The following RANBP2 variants were observed in gnomAD, a reference collection of about 807,000 sequenced individuals.
RANBP2 encodes the protein E3 SUMO-protein ligase RanBP2.
A neutral mutation model predicts 303.6 loss-of-function variants in RANBP2; 57 were observed. The observed-to-expected ratio is 0.19, with a 90% CI of 0.15 to 0.23. The LOEUF is 0.23. Ranked by LOEUF, RANBP2 falls within the 10% of genes least tolerant of loss-of-function variation. The pLI is 1.00. For missense variants in RANBP2, 3,138 were observed against 3,780.8 expected, an observed-to-expected ratio of 0.83 and a Z score of 4.46; for synonymous variants, 1,167 against 1,301.5, an observed-to-expected ratio of 0.90 and a Z score of 2.23.
At chr2:108,919,529 T>C in the RANBP2 span, among the ~76,000 whole-genome samples, 13 of 152,174 alleles carry the variant, frequency 8.5e-5, no homozygotes, top group African/African-American at 3.1e-4. Flanking sequence ...CAGCTAATTT[T>C]GTATTTTTAG....
the RANBP2 span, among the ~76,000 whole-genome samples, chr2:109,254,739 C>T: frequency 6.6e-6 from 1 of 152,112 alleles, no homozygotes; most frequent in Non-Finnish European, 1.5e-5. Flanking sequence ...AGAGGAGCCT[C>T]TCATTGCCGG....
the RANBP2 span, among the ~76,000 whole-genome samples, chr2:109,652,620 C>G: frequency 2.0e-5 from 3 of 152,172 alleles, no homozygotes. Context: ...TCCTCCTGCA[C>G]GTGCACAGCC....
At chr2:108,953,992 G>C in the RANBP2 span, among the ~76,000 whole-genome samples, 2 of 152,150 alleles carry the variant, frequency 1.3e-5, no homozygotes, top group African/African-American at 2.4e-5. Context: ...CTCCTGAAAG[G>C]CATGATAAGT....
At chr2:109,059,978 TC>T in the RANBP2 span, among the ~76,000 whole-genome samples, 1 of 151,870 alleles carries the variant, frequency 6.6e-6, no homozygotes, top group Non-Finnish European at 1.5e-5. Context: ...GCTCCCAGAT[TC>T]TCCTTCCCAG....
chr2:109,101,420 G>A, the RANBP2 span, among the ~76,000 whole-genome samples: 6 of 151,950 alleles, frequency 3.9e-5, no homozygotes, highest in South Asian at 2.1e-4. Flanking sequence ...CCAGCTACTC[G>A]GGAGGCTGAG....
At chr2:109,439,816 C>CCA in the RANBP2 span, among the ~76,000 whole-genome samples, 1 of 151,978 alleles carries the variant, frequency 6.6e-6, no homozygotes, top group Non-Finnish European at 1.5e-5. Context: ...AGCCCCATTT[C>CCA]CACCCCGGTT....
chr2:108,850,881 C>T, the RANBP2 span, among the ~76,000 whole-genome samples: 11 of 152,006 alleles, frequency 7.2e-5, no homozygotes, highest in Non-Finnish European at 1.5e-4. Flanking sequence ...GAGGTTTTTC[C>T]CCACATACCA....
the RANBP2 span, chr2:109,614,503 C>T: frequency 1.6e-6 from 2 of 1,249,774 alleles, no homozygotes; most frequent in African/African-American, 1.6e-5. Context: ...GAGGGGCCGG[C>T]AGAGTGGGGC....
At chr2:109,425,580 T>G in the RANBP2 span, among the ~76,000 whole-genome samples, 6 of 152,200 alleles carry the variant, frequency 3.9e-5, no homozygotes, top group African/African-American at 1.2e-4. Context: ...TTAAGAATTA[T>G]GCTAAATCTA....
chr2:108,751,046 A>G (rs961937553), intron 9 of RANBP2, among the ~76,000 whole-genome samples: 12 of 152,188 alleles, frequency 7.9e-5, no homozygotes, highest in Admixed American at 3.9e-4. Context: ...AACATTCTTC[A>G]TCACTACTAT....
rs374020020 is a variant in RANBP2, at chr2:108,740,077, G to A, written c.783-412G>A. On this transcript the variant is annotated intron_variant, in intron 6 of 28. Coordinates refer to ENST00000283195, the MANE Select transcript of RANBP2 (RefSeq NM_006267.5). ...TGTATTGATACGCAAATACCTGTCA[G>A]TTATTTACTTATAATTTGGAAATGG... Among the ~76,000 whole-genome samples, 64 of 152,290 alleles carry A rather than the reference G, an allele frequency of 4.2e-4. No individual in the cohort carries two copies. The East Asian group carries it at 6.2e-3, about 15-fold the overall frequency.
chr2:109,719,697 G>A, the RANBP2 span, among the ~76,000 whole-genome samples: 11 of 152,118 alleles, frequency 7.2e-5, no homozygotes, highest in Admixed American at 5.2e-4. Context: ...TAGCCACCAC[G>A]CCTGGCCCAT....
At chr2:109,585,271 T>C in the RANBP2 span, 2 of 1,612,276 alleles carry the variant, frequency 1.2e-6, no homozygotes, top group Non-Finnish European at 1.7e-6. Context: ...TCTTCAAAAT[T>C]AGTATTAAAC....
the RANBP2 span, among the ~76,000 whole-genome samples, chr2:109,211,838 T>G: frequency 6.6e-6 from 1 of 152,140 alleles, no homozygotes. Flanking sequence ...AGACAGGGTT[T>G]CCCCATGTTG....
At chr2:109,029,551 G>A in the RANBP2 span, among the ~76,000 whole-genome samples, 1 of 152,226 alleles carries the variant, frequency 6.6e-6, no homozygotes, top group Non-Finnish European at 1.5e-5. Flanking sequence ...TCAATGAGGG[G>A]AAAGAGGAGA....
the RANBP2 span, among the ~76,000 whole-genome samples, chr2:109,067,867 C>T: frequency 0.01 from 1,587 of 152,312 alleles, 43 homozygotes; most frequent in African/African-American, 0.036. Flanking sequence ...TCCTCCATCA[C>T]GACCACCCTG....
chr2:109,351,381 T>C, the RANBP2 span, among the ~76,000 whole-genome samples: 11,850 of 152,256 alleles, frequency 0.078, 1,054 homozygotes, highest in African/African-American at 0.22. Context: ...TGTGGTGTGC[T>C]GAGAACCACA....
At chr2:109,410,926 G>T in the RANBP2 span, among the ~76,000 whole-genome samples, 1 of 152,148 alleles carries the variant, frequency 6.6e-6, no homozygotes, top group African/African-American at 2.4e-5. Flanking sequence ...TTACTCAAAG[G>T]CACCTGGAGC....
chr2:109,676,164 C>G, the RANBP2 span, among the ~76,000 whole-genome samples: 1 of 152,234 alleles, frequency 6.6e-6, no homozygotes, highest in Non-Finnish European at 1.5e-5. Context: ...GTGCCCTTCC[C>G]TCTTCCAGCC....
Sources: allele counts gnomAD v4.1 joint callset (sites outside exome capture counted in the v4.1 genomes callset), GRCh38; gene constraint gnomAD v4.1.1; transcripts MANE v1.5; gene names NCBI Gene and HGNC (gene_info 2026-07-23, HGNC 2026-07-21).